Variants in RXFP4 observed in about 807,000 individuals in gnomAD.
RXFP4 encodes the protein relaxin family peptide/INSL5 receptor 4.
For missense variants in RXFP4, 425 were observed against 491.3 expected (o/e 0.87, Z 1.28); for synonymous variants, 182 against 218.0 (o/e 0.83, Z 1.45).
Position 155,941,907 on chromosome 1 carries a change from CTG to C in RXFP4, c.201_202del (p.Ala68ProfsTer116), listed in dbSNP as rs1450995069. The C allele has an allele frequency of 1.2e-6, 2 of 1,614,072 alleles. No homozygotes were observed. The highest frequency in any genetic ancestry group is 8.5e-7 in the Non-Finnish European group (1 of 1,180,052). Reference protein sequence around the residue: ...NLAVLWVLSNCARRAPGPPSD... With the variant: ...NLAVLWVLSNXARRAPGPPSD... ...TGGCGGTGCTGTGGGTACTGAGTAACTGTGCCCGGAGAGCCCCTGGCCCACCT... is the reference window on the plus strand; with the variant it reads ...TGGCGGTGCTGTGGGTACTGAGTAACTGCCCGGAGAGCCCCTGGCCCACCT... On this transcript the variant is annotated frameshift_variant, in exon 1 of 1. Coordinates refer to ENST00000368318, the MANE Select transcript of RXFP4 (RefSeq NM_181885.3). LOFTEE classifies it low-confidence loss of function (END_TRUNC).
At position 155,942,691 on chromosome 1, in the gene RXFP4, C is replaced by G. The variant is rs780618490; in HGVS notation, c.982C>G (p.Arg328Gly). The part of the protein sequence containing the change: ...QALAGTFRDL[R>G]LRLWPQGGGW... ...TCTGGCAGGCACCTTCAGGGATCTG[C>G]GGTTGAGGCTGTGGCCCCAGGGCGG... The change falls in exon 1 of 1, where the codon CGG becomes GGG. Residue 328 changes from arginine (R) to glycine (G), a missense_variant. By Grantham distance (125) the Arg-to-Gly change is moderately radical. Coordinates refer to ENST00000368318, the MANE Select transcript of RXFP4 (RefSeq NM_181885.3). The surrounding 1 kb of genome is among the most constrained non-coding windows in gnomAD (Gnocchi z 5.2). 6.2e-7 allele frequency: 1 copy of G among 1,612,162 alleles called. No homozygotes were observed.
chr1:155,942,515 G>A lies in RXFP4; in HGVS notation c.806G>A (p.Gly269Asp), dbSNP rs976950671. ...WFPNHVVTLWGVLVKFDLVPW... is the reference protein window; with the variant it reads ...WFPNHVVTLWDVLVKFDLVPW... ...CCCAACCATGTGGTCACTCTCTGGG[G>A]TGTCCTGGTGAAGTTTGACCTGGTG... Residue 269 changes from glycine to aspartate, a missense_variant, in exon 1 of 1, where the codon GGT becomes GAT. Coordinates refer to ENST00000368318, the MANE Select transcript of RXFP4 (RefSeq NM_181885.3). This position sits in a 1 kb window ranked among gnomAD's most constrained non-coding sequence, Gnocchi z 5.2. 3 of 1,613,946 alleles carry A rather than the reference G, an allele frequency of 1.9e-6. No homozygotes were observed. Among genetic ancestry groups the A allele is most frequent in the Admixed American group, 1.7e-5 (1 of 59,982 alleles).
chr1:155,941,664 C>G lies in RXFP4; in HGVS notation c.-46C>G, dbSNP rs761405749. On this transcript the variant is annotated 5_prime_UTR_variant, in exon 1 of 1. Transcript: ENST00000368318. Reference sequence around the variant, plus strand: ...GTGGCCTCTGCCAGTCTGGCAGACACTTGCAGACCTCTCTTCTCAGCACCA... The same window carrying G: ...GTGGCCTCTGCCAGTCTGGCAGACAGTTGCAGACCTCTCTTCTCAGCACCA... 6.3e-7 allele frequency: 1 copy of G among 1,586,504 alleles called. No homozygotes were observed.
In RXFP4 at chr1:155,942,826, C is replaced by T; in HGVS notation, c.1117C>T (p.Pro373Ser). Residue 373 changes from proline to serine, a missense_variant, in exon 1 of 1, where the codon CCC becomes TCC. By Grantham distance (74) the Pro-to-Ser change is moderately conservative (BLOSUM62 -1). Coordinates refer to ENST00000368318, the MANE Select transcript of RXFP4 (RefSeq NM_181885.3). The surrounding 1 kb of genome is among the most constrained non-coding windows in gnomAD (Gnocchi z 5.2). ...GCTCACCAACCTGGACAGAGGGACA[C>T]CCGGGTGAAGGGCGCAAGCTGAACA... is the stretch of plus-strand genomic sequence containing the variant. ...TLLTNLDRGT[P>S]G 1 of 1,509,462 alleles carries T rather than the reference C, an allele frequency of 6.6e-7. No individual in the cohort carries two copies. Among genetic ancestry groups the T allele is most frequent in the Non-Finnish European group, 8.8e-7 (1 of 1,135,348 alleles). 93.5% of individuals were successfully genotyped at this position (1,509,462 alleles called of 1,614,324 possible).
chr1:155,942,424 C>A lies in RXFP4; in HGVS notation c.715C>A (p.Gln239Lys), dbSNP rs774742423. ...AFLQRRQRRRQDSRVVARSVR... is the reference protein window; with the variant it reads ...AFLQRRQRRRKDSRVVARSVR... ...CCTGCAGCGGCGGCAACGGCGGCGG[C>A]AGGACAGCAGGGTCGTGGCCCGCTC... Residue 239 changes from glutamine to lysine, a missense_variant, in exon 1 of 1, where the codon CAG (glutamine) becomes AAG (lysine). Gln to Lys is a moderately conservative substitution (Grantham distance 53, BLOSUM62 1). Coordinates refer to ENST00000368318, the MANE Select transcript of RXFP4 (RefSeq NM_181885.3). This position sits in a 1 kb window ranked among gnomAD's most constrained non-coding sequence, Gnocchi z 5.2. 7.7e-6 allele frequency: 12 copies of A among 1,556,530 alleles called. No homozygotes were observed. The highest frequency in any genetic ancestry group is 2.7e-5 in the African/African-American group (2 of 73,508).
chr1:155,942,080 A>C lies in RXFP4; in HGVS notation c.371A>C (p.Asn124Thr). 6.2e-7 allele frequency: 1 copy of C among 1,611,546 alleles called. No individual in the cohort carries two copies. Among genetic ancestry groups the C allele is most frequent in the Non-Finnish European group, 8.5e-7 (1 of 1,180,010 alleles). The change falls in exon 1 of 1, where the codon AAC (asparagine) becomes ACC (threonine). Residue 124 changes from asparagine (N) to threonine (T), a missense_variant. Coordinates refer to ENST00000368318, the MANE Select transcript of RXFP4 (RefSeq NM_181885.3). The surrounding 1 kb of genome is among the most constrained non-coding windows in gnomAD (Gnocchi z 5.2). ...ATGGTTCTGACGGCCACTGTCCTCAACGTCTATGCCAGCATCTTCCTCATC... is the reference window on the plus strand; with the variant it reads ...ATGGTTCTGACGGCCACTGTCCTCACCGTCTATGCCAGCATCTTCCTCATC... ...CKMVLTATVL[N>T]VYASIFLITA...
At position 155,942,681 on chromosome 1, in the gene RXFP4, C is replaced by T. The variant is rs750573882; in HGVS notation, c.972C>T (p.Phe324=). 11 of 1,613,126 alleles carry T rather than the reference C, an allele frequency of 6.8e-6. No individual in the cohort carries two copies. In the East Asian group the frequency reaches 2.2e-4, roughly 33 times the overall value. ...CCCGGCAGGCTCTGGCAGGCACCTT[C>T]AGGGATCTGCGGTTGAGGCTGTGGC... The part of the protein sequence containing the change: ...REPRQALAGT[F]RDLRLRLWPQ... Residue 324 remains phenylalanine, a synonymous_variant, in exon 1 of 1, where the codon TTC becomes TTT. Coordinates refer to ENST00000368318, the MANE Select transcript of RXFP4 (RefSeq NM_181885.3). The surrounding 1 kb of genome is among the most constrained non-coding windows in gnomAD (Gnocchi z 5.2).
chr1:155,942,546 G>C lies in RXFP4; in HGVS notation c.837G>C (p.Trp279Cys). 6.8e-6 allele frequency: 11 copies of C among 1,614,162 alleles called. No individual in the cohort carries two copies. The highest frequency in any genetic ancestry group is 8.5e-6 in the Non-Finnish European group (10 of 1,179,994). The change falls in exon 1 of 1, where the codon TGG becomes TGC. Residue 279 changes from tryptophan to cysteine, a missense_variant. Transcript: ENST00000368318. The surrounding 1 kb of genome is among the most constrained non-coding windows in gnomAD (Gnocchi z 5.2). ...TGGTGAAGTTTGACCTGGTGCCCTG[G>C]AACAGTACTTTCTATACTATCCAGA... Reference protein sequence around the residue: ...GVLVKFDLVPWNSTFYTIQTY... With the variant: ...GVLVKFDLVPCNSTFYTIQTY...
chr1:155,942,123 T>A lies in RXFP4; in HGVS notation c.414T>A (p.Ala138=). 6.2e-7 allele frequency: 1 copy of A among 1,613,348 alleles called. No homozygotes were observed. Among genetic ancestry groups the A allele is most frequent in the Non-Finnish European group, 8.5e-7 (1 of 1,179,906 alleles). The change falls in exon 1 of 1, where the codon GCT becomes GCA. Residue 138 remains alanine, a synonymous_variant. Coordinates refer to ENST00000368318, the MANE Select transcript of RXFP4 (RefSeq NM_181885.3). This position sits in a 1 kb window ranked among gnomAD's most constrained non-coding sequence, Gnocchi z 5.2. ...TCCTCATCACAGCGCTGAGCGTTGC[T>A]CGCTACTGGGTGGTGGCCATGGCTG... ...SIFLITALSV[A]RYWVVAMAAG... is the part of the protein sequence containing the mutation.
rs569415346 is a variant in RXFP4 at position 155,941,735 on chromosome 1, C to T, written c.26C>T (p.Ser9Phe). The part of the protein sequence containing the change: MPTLNTSA[S>F]PPTFFWANAS... ...ATGCCCACACTCAATACTTCTGCCTCTCCACCCACATTCTTCTGGGCCAAT... is the reference window on the plus strand; with the variant it reads ...ATGCCCACACTCAATACTTCTGCCTTTCCACCCACATTCTTCTGGGCCAAT... The change falls in exon 1 of 1, where the codon TCT becomes TTT. Residue 9 changes from serine to phenylalanine, a missense_variant. Physicochemically the swap from Ser to Phe is radical, Grantham distance 155 (BLOSUM62 -2). Transcript: ENST00000368318. The T allele has an allele frequency of 1.1e-5, 17 of 1,614,196 alleles. No homozygotes were observed. In the South Asian group the frequency reaches 1.6e-4, roughly 16 times the overall value.
Position 155,943,062 on chromosome 1 carries a change from G to A in RXFP4, c.*228G>A. On this transcript the variant is annotated 3_prime_UTR_variant, in exon 1 of 1. Transcript: ENST00000368318. Reference sequence around the variant, plus strand: ...GGAGATGGGAAAGAAGAGGATCTGAGAATAAACCTCTGGATTATCCACAAA... The same window carrying A: ...GGAGATGGGAAAGAAGAGGATCTGAAAATAAACCTCTGGATTATCCACAAA... 2.2e-6 allele frequency: 1 copy of A among 446,754 alleles called. No individual in the cohort carries two copies. The highest frequency in any genetic ancestry group is 3.9e-6 in the Non-Finnish European group (1 of 254,900). 27.7% of individuals were successfully genotyped at this position (446,754 alleles called of 1,614,324 possible). A position where few individuals can be genotyped will look rare whatever the true frequency, so the allele number is the denominator to read the frequency against.
At position 155,942,406 on chromosome 1, in the gene RXFP4, C is replaced by T. The variant is rs148204679; in HGVS notation, c.697C>T (p.Arg233Trp). ...SYLLLLAFLQ[R>W]RQRRRQDSRV... ...CCTGCTGCTGCTGGCCTTCCTGCAG[C>T]GGCGGCAACGGCGGCGGCAGGACAG... The change falls in exon 1 of 1, where the codon CGG becomes TGG. Residue 233 changes from arginine to tryptophan, a missense_variant. Coordinates refer to ENST00000368318, the MANE Select transcript of RXFP4 (RefSeq NM_181885.3). The surrounding 1 kb of genome is among the most constrained non-coding windows in gnomAD (Gnocchi z 5.2). The T allele has an allele frequency of 4.4e-5, 69 of 1,551,838 alleles. No individual in the cohort carries two copies. The highest frequency in any genetic ancestry group is 5.5e-5 in the Non-Finnish European group (63 of 1,146,108).
Position 155,941,974 on chromosome 1 carries a change from G to T in RXFP4, c.265G>T (p.Gly89Ter). 1.2e-6 allele frequency: 2 copies of T among 1,614,066 alleles called. No individual in the cohort carries two copies. The highest frequency in any genetic ancestry group is 1.7e-6 in the Non-Finnish European group (2 of 1,180,030). ...FVFNLALADL[G>*]LALTLPFWAA... Reference sequence around the variant, plus strand: ...CTTCAACCTGGCTCTGGCGGACCTGGGACTGGCACTCACTCTCCCCTTTTG... The same window carrying T: ...CTTCAACCTGGCTCTGGCGGACCTGTGACTGGCACTCACTCTCCCCTTTTG... The change falls in exon 1 of 1, where the codon GGA becomes TGA. Residue 89 changes from glycine to a stop codon, truncating the protein, a stop_gained. Coordinates refer to ENST00000368318, the MANE Select transcript of RXFP4 (RefSeq NM_181885.3). LOFTEE classifies it low-confidence loss of function (END_TRUNC).
rs1674327917 is a variant in RXFP4 at position 155,942,296 on chromosome 1, C to G, written c.587C>G (p.Pro196Arg). 2 of 1,597,304 alleles carry G rather than the reference C, an allele frequency of 1.3e-6. No homozygotes were observed. Among genetic ancestry groups the G allele is most frequent in the African/African-American group, 2.7e-5 (2 of 74,726 alleles). The change falls in exon 1 of 1, where the codon CCC becomes CGC. Residue 196 changes from proline (P) to arginine (R), a missense_variant. Pro to Arg is a moderately radical substitution (Grantham distance 103). Transcript: ENST00000368318. The surrounding 1 kb of genome is among the most constrained non-coding windows in gnomAD (Gnocchi z 5.2). ...GTGCGCCTTTGCCTGCTGCGTTTCC[C>G]CAGCAGGTACTGGCTGGGGGCCTAC... is the stretch of plus-strand genomic sequence containing the variant. ...CGVRLCLLRF[P>R]SRYWLGAYQL...
In RXFP4 at chr1:155,942,559, T is replaced by C; in HGVS notation, c.850T>C (p.Tyr284His). 6.2e-7 allele frequency: 1 copy of C among 1,614,186 alleles called. No homozygotes were observed. Among genetic ancestry groups the C allele is most frequent in the South Asian group, 1.1e-5 (1 of 91,088 alleles). Residue 284 changes from tyrosine to histidine, a missense_variant, in exon 1 of 1, where the codon TAT becomes CAT. Transcript: ENST00000368318. This position sits in a 1 kb window ranked among gnomAD's most constrained non-coding sequence, Gnocchi z 5.2. Reference sequence around the variant, plus strand: ...CCTGGTGCCCTGGAACAGTACTTTCTATACTATCCAGACGTATGTCTTCCC... The same window carrying C: ...CCTGGTGCCCTGGAACAGTACTTTCCATACTATCCAGACGTATGTCTTCCC... ...FDLVPWNSTF[Y>H]TIQTYVFPVT...
chr1:155,942,934 T>G lies in RXFP4; in HGVS notation c.*100T>G. On this transcript the variant is annotated 3_prime_UTR_variant, in exon 1 of 1. Coordinates refer to ENST00000368318, the MANE Select transcript of RXFP4 (RefSeq NM_181885.3). This position sits in a 1 kb window ranked among gnomAD's most constrained non-coding sequence, Gnocchi z 5.2. Reference sequence around the variant, plus strand: ...CCCTCTCTGCCAGGCTGCAGTGCCCTCAGGGAAAAGTCTGATCTTTGATCC... The same window carrying G: ...CCCTCTCTGCCAGGCTGCAGTGCCCGCAGGGAAAAGTCTGATCTTTGATCC... 2.4e-6 allele frequency: 3 copies of G among 1,225,370 alleles called. No individual in the cohort carries two copies. The highest frequency in any genetic ancestry group is 3.3e-6 in the Non-Finnish European group (3 of 918,246). 75.9% of individuals were successfully genotyped at this position (1,225,370 alleles called of 1,614,324 possible).
At position 155,942,622 on chromosome 1, in the gene RXFP4, A is replaced by G; in HGVS notation, c.913A>G (p.Asn305Asp). Residue 305 changes from asparagine (N) to aspartate (D), a missense_variant, in exon 1 of 1, where the codon AAC (asparagine) becomes GAC (aspartate). Transcript: ENST00000368318. This position sits in a 1 kb window ranked among gnomAD's most constrained non-coding sequence, Gnocchi z 5.2. ...CTTGGCACACAGCAATAGCTGCCTC[A>G]ACCCTGTGCTGTACTGTCTCCTGAG... Reference protein sequence around the residue: ...TCLAHSNSCLNPVLYCLLRRE... With the variant: ...TCLAHSNSCLDPVLYCLLRRE... The G allele has an allele frequency of 6.2e-7, 1 of 1,614,148 alleles. No individual in the cohort carries two copies. Among genetic ancestry groups the G allele is most frequent in the Non-Finnish European group, 8.5e-7 (1 of 1,180,006 alleles).
Position 155,942,359 on chromosome 1 carries a change from T to TG in RXFP4, c.653dup (p.Val219ArgfsTer57), listed in dbSNP as rs1674329349. 6.4e-7 allele frequency: 1 copy of TG among 1,555,908 alleles called. No homozygotes were observed. The highest frequency in any genetic ancestry group is 1.4e-5 in the African/African-American group (1 of 73,610). On this transcript the variant is annotated frameshift_variant, in exon 1 of 1. Coordinates refer to ENST00000368318, the MANE Select transcript of RXFP4 (RefSeq NM_181885.3). LOFTEE classifies it low-confidence loss of function (END_TRUNC). The surrounding 1 kb of genome is among the most constrained non-coding windows in gnomAD (Gnocchi z 5.2). ...GTGGTGCTGGCTTTCATGGTGCCCT[T>TG]GGGCGTCATCACCACCAGCTACCTG...
Position 155,942,946 on chromosome 1 carries a change from C to G in RXFP4, c.*112C>G. ...GGCTGCAGTGCCCTCAGGGAAAAGT[C>G]TGATCTTTGATCCCCAACTCTGGGT... On this transcript the variant is annotated 3_prime_UTR_variant, in exon 1 of 1. Coordinates refer to ENST00000368318, the MANE Select transcript of RXFP4 (RefSeq NM_181885.3). This position sits in a 1 kb window ranked among gnomAD's most constrained non-coding sequence, Gnocchi z 5.2. 9.1e-7 allele frequency: 1 copy of G among 1,093,216 alleles called. No homozygotes were observed. Among genetic ancestry groups the G allele is most frequent in the East Asian group, 2.7e-5 (1 of 36,748 alleles). The allele number at this position is 1,093,216 out of a possible 1,614,324, so 67.7% of individuals were successfully genotyped here.
Sources: gnomAD v4.1 joint callset for allele counts on GRCh38, gnomAD v4.1.1 for gene constraint, Gnocchi (gnomAD v3.1) non-coding constraint, MANE v1.5 for transcripts, NCBI Gene and HGNC (gene_info 2026-07-23, HGNC 2026-07-21) for gene names.